Variants in RNF217 observed in about 807,000 individuals in gnomAD.
RNF217 encodes ring finger protein 217.
In RNF217, 31 loss-of-function variants were observed where a neutral mutation model predicts 57.8. The ratio of observed to expected loss-of-function variants is 0.54; its 90% CI spans 0.40 to 0.72. The LOEUF is 0.72. Ranked by LOEUF, RNF217 falls within the 30% of genes least tolerant of loss-of-function variation. RNF217 has a pLI of 0.00. For synonymous variants in RNF217, 313 were observed against 294.0 expected, an observed-to-expected ratio of 1.06 and a Z score of -0.66; for missense variants, 696 against 708.3, an observed-to-expected ratio of 0.98 and a Z score of 0.20.
intron 4 of RNF217, among the ~76,000 whole-genome samples, chr6:125,077,537 G>T (rs977397739): frequency 5.3e-5 from 8 of 152,108 alleles, no homozygotes; most frequent in African/African-American, 1.9e-4. Flanking sequence ...ACACAAGTAT[G>T]CAAATAGAAA....
chr6:124,996,761 C>T (rs970196290), intron 1 of RNF217: 2 of 152,124 alleles, frequency 1.3e-5, no homozygotes, highest in East Asian at 1.9e-4. Context: ...TAAAAGCTAC[C>T]AAATACTACA....
intron 1 of RNF217, among the ~76,000 whole-genome samples, chr6:124,982,934 C>T (rs993536491): frequency 3.9e-5 from 6 of 152,172 alleles, no homozygotes; most frequent in Admixed American, 3.3e-4. Context: ...GGAATTCATT[C>T]ATCTTTCCTT....
chr6:125,002,978 C>A (rs1356852628), intron 1 of RNF217, among the ~76,000 whole-genome samples: 1 of 151,982 alleles, frequency 6.6e-6, no homozygotes, highest in Non-Finnish European at 1.5e-5. Context: ...TGTTATTATC[C>A]TAATAATGAA....
At chr6:124,976,116 A>T (rs975990319) in intron 1 of RNF217, among the ~76,000 whole-genome samples, 1 of 152,176 alleles carries the variant, frequency 6.6e-6, no homozygotes, top group Admixed American at 6.5e-5. Flanking sequence ...ATATGTATAC[A>T]TACTGTTTGT....
intron 3 of RNF217, among the ~76,000 whole-genome samples, chr6:125,067,318 G>A (rs1787970130): frequency 6.6e-6 from 1 of 152,158 alleles, no homozygotes; most frequent in Admixed American, 6.5e-5. Context: ...AGGGGCCATT[G>A]AAAAATAAAA....
chr6:125,082,613 T>G (rs759081560), intron 5 of RNF217: 5 of 1,581,458 alleles, frequency 3.2e-6, no homozygotes, highest in Non-Finnish European at 4.3e-6. Flanking sequence ...TAAAGAAGAT[T>G]TAAACCAAAG....
At chr6:125,078,542 GAC>G (rs1021922126) in intron 4 of RNF217, among the ~76,000 whole-genome samples, 8 of 152,186 alleles carry the variant, frequency 5.3e-5, no homozygotes, top group African/African-American at 1.9e-4. Context: ...AAGCCCACGA[GAC>G]ACAGAAAATG....
Position 125,049,885 on chromosome 6 carries a change from A to C in RNF217, c.1116+4441A>C, listed in dbSNP as rs138385815. Among the ~76,000 whole-genome samples the C allele has an allele frequency of 2.1e-3, 321 of 151,970 alleles. 1 individual carries two copies. Among genetic ancestry groups the C allele is most frequent in the East Asian group, 0.014 (73 of 5,158 alleles). On this transcript the variant is annotated intron_variant, in intron 2 of 5. Coordinates refer to ENST00000521654, the MANE Select transcript of RNF217 (RefSeq NM_001286398.3). ...GGTTTGGGAAATGGAAAATTAGTTCAGTTTGAAATATGTTGATAGTGTTAA... is the reference window on the plus strand; with the variant it reads ...GGTTTGGGAAATGGAAAATTAGTTCCGTTTGAAATATGTTGATAGTGTTAA...
intron 3 of RNF217, among the ~76,000 whole-genome samples, chr6:125,070,707 G>GA (rs1388616084): frequency 6.6e-6 from 1 of 152,062 alleles, no homozygotes; most frequent in Admixed American, 6.5e-5. Flanking sequence ...TGAGTTTCAG[G>GA]AAATTTTTTT....
In RNF217 at chr6:125,058,040, G is replaced by T. The variant is rs1017007529; in HGVS notation, c.1215G>T (p.Leu405Phe). 2 of 1,613,580 alleles carry T rather than the reference G, an allele frequency of 1.2e-6. No homozygotes were observed. The highest frequency in any genetic ancestry group is 1.7e-6 in the Non-Finnish European group (2 of 1,179,712). ...AGGAGTACAAAAAAGGAGACAAATT[G>T]TTGCGTCACTGGGCCAGCGAAATTG... ...NCKEYKKGDK[L>F]LRHWASEIEH... The change falls in exon 3 of 6, where the codon TTG becomes TTT. Residue 405 changes from leucine to phenylalanine, a missense_variant. Physicochemically the swap from Leu to Phe is conservative, Grantham distance 22 (BLOSUM62 0). Transcript: ENST00000521654.
chr6:125,015,339 G>A (rs911101080), intron 1 of RNF217, among the ~76,000 whole-genome samples: 2 of 152,050 alleles, frequency 1.3e-5, no homozygotes, highest in Admixed American at 6.5e-5. Context: ...TTAAAAGTTC[G>A]TACTTGTAAA....
chr6:124,984,933 T>G (rs1784320211), intron 1 of RNF217, among the ~76,000 whole-genome samples: 1 of 152,124 alleles, frequency 6.6e-6, no homozygotes, highest in Non-Finnish European at 1.5e-5. Flanking sequence ...ACATAAAAGG[T>G]TATTATCCAT....
rs80165157 is a variant in RNF217, at chr6:125,071,689, C to A, written c.1282-4968C>A. Among the ~76,000 whole-genome samples, 578 of 152,120 alleles carry A rather than the reference C, an allele frequency of 3.8e-3. 1 individual carries two copies. The highest frequency in any genetic ancestry group is 0.014 in the African/African-American group (564 of 41,496). ...TATTCTGAACATTTCATCTTATGACCTTAAGTATAGAAAGATATAAGTAAT... is the reference window on the plus strand; with the variant it reads ...TATTCTGAACATTTCATCTTATGACATTAAGTATAGAAAGATATAAGTAAT... On this transcript the variant is annotated intron_variant, in intron 3 of 5. Transcript: ENST00000521654.
At position 125,067,658 on chromosome 6, in the gene RNF217, G is replaced by T. The variant is rs540547408; in HGVS notation, c.1282-8999G>T. Among the ~76,000 whole-genome samples, 4 of 152,276 alleles carry T rather than the reference G, an allele frequency of 2.6e-5. No individual in the cohort carries two copies. In the South Asian group the frequency reaches 8.3e-4, roughly 32 times the overall value. ...TTGCAGTGGTGAGCCATGAAATGATGATGAGTTTGGTTTTGTTCACTTGAC... is the reference window on the plus strand; with the variant it reads ...TTGCAGTGGTGAGCCATGAAATGATTATGAGTTTGGTTTTGTTCACTTGAC... On this transcript the variant is annotated intron_variant, in intron 3 of 5. Transcript: ENST00000521654.
chr6:125,028,924 C>G (rs536973933), intron 1 of RNF217, among the ~76,000 whole-genome samples: 1 of 152,142 alleles, frequency 6.6e-6, no homozygotes, highest in African/African-American at 2.4e-5. Context: ...TTATTTCAAT[C>G]AAACTTCATA....
At chr6:125,080,119 A>G (rs578060975) in intron 4 of RNF217, among the ~76,000 whole-genome samples, 1 of 152,246 alleles carries the variant, frequency 6.6e-6, no homozygotes, top group Admixed American at 6.5e-5. Context: ...GAACAGACTG[A>G]GCTATGTGCA....
At chr6:125,004,783 C>G (rs1785111648) in intron 1 of RNF217, among the ~76,000 whole-genome samples, 1 of 152,174 alleles carries the variant, frequency 6.6e-6, no homozygotes, top group African/African-American at 2.4e-5. Flanking sequence ...AGTCTCACTA[C>G]TTTATATTAA....
chr6:125,013,084 G>C (rs1254691564), intron 1 of RNF217, among the ~76,000 whole-genome samples: 2 of 151,896 alleles, frequency 1.3e-5, no homozygotes, highest in Non-Finnish European at 2.9e-5. Flanking sequence ...ATTTAGTTCT[G>C]ATTTTTTTTC....
chr6:125,018,781 G>T (rs1785707593), intron 1 of RNF217, among the ~76,000 whole-genome samples: 1 of 152,146 alleles, frequency 6.6e-6, no homozygotes, highest in African/African-American at 2.4e-5. Flanking sequence ...TCTTGACCAT[G>T]ACTAGGTGAC....
Sources: allele counts gnomAD v4.1 joint callset (sites outside exome capture counted in the v4.1 genomes callset), GRCh38; gene constraint gnomAD v4.1.1; transcripts MANE v1.5; gene names NCBI Gene and HGNC (gene_info 2026-07-23, HGNC 2026-07-21).